KIAA1217: variants seen among roughly 807,000 people sequenced by gnomAD.
KIAA1217 encodes KIAA1217, also known as sickle tail protein homolog.
A neutral mutation model predicts 163.9 loss-of-function variants in KIAA1217; 88 were observed. The observed-to-expected ratio is 0.54, with a 90% CI of 0.45 to 0.64. The LOEUF (loss-of-function observed/expected upper bound fraction) is 0.64, where lower values mean the gene tolerates loss of function less well. KIAA1217 is among the 30% of genes least tolerant of loss of function. The pLI is 0.00. For missense variants in KIAA1217, 2,372 were observed against 2,475.0 expected, an observed-to-expected ratio of 0.96 and a Z score of 0.88; for synonymous variants, 903 against 923.1, an observed-to-expected ratio of 0.98 and a Z score of 0.39.
chr10:24,220,163 T>G (rs1020100367), intron 2 of KIAA1217, among the ~76,000 whole-genome samples: 1 of 152,060 alleles, frequency 6.6e-6, no homozygotes, highest in Admixed American at 6.6e-5. Flanking sequence ...CTAGAGAGTA[T>G]GCAGTTCCCC....
chr10:23,853,677 T>A (rs2131105247), intron 1 of KIAA1217, among the ~76,000 whole-genome samples: 1 of 152,354 alleles, frequency 6.6e-6, no homozygotes, highest in Middle Eastern at 3.4e-3. Flanking sequence ...TATTGATTAT[T>A]GCCACAATTT....
At chr10:23,982,056 A>G (rs1225497828) in intron 1 of KIAA1217, among the ~76,000 whole-genome samples, 1 of 151,830 alleles carries the variant, frequency 6.6e-6, no homozygotes, top group African/African-American at 2.4e-5. Context: ...AGTAGTGGTG[A>G]GCCATGTGCC....
At position 24,546,654 on chromosome 10, in the gene KIAA1217, GA is replaced by G. The variant is rs2075734169; in HGVS notation, c.*332del. 4.8e-6 allele frequency: 1 copy of G among 210,134 alleles called. No homozygotes were observed. The highest frequency in any genetic ancestry group is 9.5e-6 in the Non-Finnish European group (1 of 105,514). 13.0% of individuals were successfully genotyped at this position (210,134 alleles called of 1,614,324 possible). On this transcript the variant is annotated 3_prime_UTR_variant, in exon 21 of 21. Coordinates refer to ENST00000376454, the MANE Select transcript of KIAA1217 (RefSeq NM_019590.5). ...AGCATATAAAACATGTATGATTCCA[GA>G]ATTTTAGTATGTTTTGTATAAAACT...
At chr10:24,497,018 T>C (rs891972270) in intron 8 of KIAA1217, among the ~76,000 whole-genome samples, 1 of 152,212 alleles carries the variant, frequency 6.6e-6, no homozygotes, top group African/African-American at 2.4e-5. Flanking sequence ...ACGTCTCTGC[T>C]AGGTTTGGAC....
intron 6 of KIAA1217, among the ~76,000 whole-genome samples, chr10:24,474,413 G>T (rs935081977): frequency 6.6e-6 from 1 of 152,194 alleles, no homozygotes; most frequent in Non-Finnish European, 1.5e-5. Context: ...AAGATCAAAA[G>T]GTCATAATAA....
chr10:23,750,617 A>T (rs1490657615), intron 1 of KIAA1217, among the ~76,000 whole-genome samples: 1 of 152,160 alleles, frequency 6.6e-6, no homozygotes, highest in African/African-American at 2.4e-5. Flanking sequence ...GACAGAATGA[A>T]TGCCTTTGAC....
chr10:24,404,642 T>A (rs7068808), intron 3 of KIAA1217, among the ~76,000 whole-genome samples: 43,839 of 151,030 alleles, frequency 0.29, 6,594 homozygotes, highest in East Asian at 0.46. Context: ...CTTTTGCATT[T>A]ATCTCAGACA....
chr10:24,490,482 T>C (rs7093280), intron 6 of KIAA1217, among the ~76,000 whole-genome samples: 28,798 of 152,218 alleles, frequency 0.19, 2,974 homozygotes, highest in South Asian at 0.33. Flanking sequence ...TTCCAGTTGC[T>C]GTAATTTACT....
At chr10:24,270,960 T>C (rs2076719340) in intron 2 of KIAA1217, among the ~76,000 whole-genome samples, 1 of 152,228 alleles carries the variant, frequency 6.6e-6, no homozygotes, top group Non-Finnish European at 1.5e-5. Flanking sequence ...TCACTATTTA[T>C]TCTGCTGAGG....
chr10:24,263,045 A>T (rs1039622441), intron 2 of KIAA1217, among the ~76,000 whole-genome samples: 1 of 151,982 alleles, frequency 6.6e-6, no homozygotes, highest in Non-Finnish European at 1.5e-5. Flanking sequence ...TCAGAGGAAG[A>T]CTTCTATGTG....
intron 2 of KIAA1217, among the ~76,000 whole-genome samples, chr10:24,126,235 T>A (rs574274825): frequency 3.9e-4 from 60 of 152,340 alleles, no homozygotes; most frequent in African/African-American, 1.4e-3. Context: ...CATTCTAAAT[T>A]GTTTCCTTAA....
chr10:24,037,646 A>G (rs982735121), intron 2 of KIAA1217, among the ~76,000 whole-genome samples: 3 of 152,220 alleles, frequency 2.0e-5, no homozygotes, highest in African/African-American at 7.2e-5. Context: ...CAGATTGTCT[A>G]TTCCAGATTA....
intron 1 of KIAA1217, among the ~76,000 whole-genome samples, chr10:23,739,424 A>G (rs970413927): frequency 3.3e-5 from 5 of 152,196 alleles, no homozygotes; most frequent in Non-Finnish European, 5.9e-5. Context: ...TATAGGAAAC[A>G]GAGCATTCCA....
At chr10:23,732,575 G>A (rs1468627921) in intron 1 of KIAA1217, among the ~76,000 whole-genome samples, 1 of 151,864 alleles carries the variant, frequency 6.6e-6, no homozygotes, top group Admixed American at 6.6e-5. Context: ...CAATTTTATT[G>A]ATCTTTACAA....
rs547338409 is a variant in KIAA1217, at chr10:24,419,009, T to G, written c.554-13986T>G. Among the ~76,000 whole-genome samples the G allele has an allele frequency of 3.3e-5, 5 of 152,030 alleles. No individual in the cohort carries two copies. The South Asian group carries it at 1.0e-3, about 32-fold the overall frequency. ...CTGGCCAACATGGTGAAACCCTGTCTCTACTAAAAATACAAAAATTAGCTG... is the reference window on the plus strand; with the variant it reads ...CTGGCCAACATGGTGAAACCCTGTCGCTACTAAAAATACAAAAATTAGCTG... On this transcript the variant is annotated intron_variant, in intron 3 of 20. Coordinates refer to ENST00000376454, the MANE Select transcript of KIAA1217 (RefSeq NM_019590.5).
chr10:23,917,257 A>G (rs557020319), intron 1 of KIAA1217, among the ~76,000 whole-genome samples: 1 of 152,322 alleles, frequency 6.6e-6, no homozygotes, highest in South Asian at 2.1e-4. Flanking sequence ...CATATTCAGA[A>G]TGGAAGTCTT....
chr10:24,514,578 T>TA (rs1376804565), intron 10 of KIAA1217, among the ~76,000 whole-genome samples: 4 of 152,244 alleles, frequency 2.6e-5, no homozygotes, highest in Non-Finnish European at 5.9e-5. Flanking sequence ...CACACATTTA[T>TA]AGACAGAGTT....
rs183330130 is a variant in KIAA1217, at chr10:24,256,774, C to T, written c.354+36865C>T. 5.3e-5 allele frequency among the ~76,000 whole-genome samples: 8 copies of T among 152,278 alleles called. No homozygotes were observed. The East Asian group carries it at 1.5e-3, about 29-fold the overall frequency. Reference sequence around the variant, plus strand: ...TCAGTCTTAGAGGCTGATTTTGTGGCCCAGAGTGTTTCGTTCAGATATCTT... The same window carrying T: ...TCAGTCTTAGAGGCTGATTTTGTGGTCCAGAGTGTTTCGTTCAGATATCTT... On this transcript the variant is annotated intron_variant, in intron 2 of 20. Transcript: ENST00000376454.
At chr10:24,308,281 C>T (rs2042233496) in intron 2 of KIAA1217, among the ~76,000 whole-genome samples, 1 of 152,174 alleles carries the variant, frequency 6.6e-6, no homozygotes, top group Non-Finnish European at 1.5e-5. Context: ...ATGTGTGCAG[C>T]CCTCGTAAGG....
Sources: gnomAD v4.1 joint callset for allele counts (sites outside exome capture counted in the v4.1 genomes callset) on GRCh38, gnomAD v4.1.1 for gene constraint, MANE v1.5 for transcripts, NCBI Gene and HGNC (gene_info 2026-07-23, HGNC 2026-07-21) for gene names.